The following TRPC5 variants were observed in gnomAD, a reference collection of about 807,000 sequenced individuals.
The protein encoded by TRPC5 is transient receptor potential cation channel subfamily C member 5, also known as short transient receptor potential channel 5.
In TRPC5, 9 loss-of-function variants were observed where a neutral mutation model predicts 56.5. That is an observed-to-expected ratio of 0.16 (90% CI 0.10 to 0.28). TRPC5 has a LOEUF of 0.28. TRPC5 is among the 10% of genes least tolerant of loss of function. The pLI, the probability that TRPC5 is intolerant of heterozygous loss-of-function variation, is 1.00. For missense variants in TRPC5, 469 were observed against 748.9 expected, an observed-to-expected ratio of 0.63 and a Z score of 4.36; for synonymous variants, 282 against 278.5, an observed-to-expected ratio of 1.01 and a Z score of -0.13.
chrX:112,072,677 A>G (rs745364584), intron 1 of TRPC5, among the ~76,000 whole-genome samples: 12 of 112,358 alleles, frequency 1.1e-4, no homozygotes, highest in Non-Finnish European at 2.1e-4. Flanking sequence ...TCAGAAAAAA[A>G]TGACATGAAA....
At chrX:111,799,542 G>T (rs1237299713) in intron 7 of TRPC5, among the ~76,000 whole-genome samples, 1 of 111,114 alleles carries the variant, frequency 9.0e-6, no homozygotes, top group Non-Finnish European at 1.9e-5. Flanking sequence ...TATGGAAAGT[G>T]CTGTCAATGC....
chrX:111,849,179 A>G (rs1022072571), intron 5 of TRPC5, among the ~76,000 whole-genome samples: 6 of 112,467 alleles, frequency 5.3e-5, no homozygotes, highest in Non-Finnish European at 7.5e-5. Context: ...CTCCTCATCC[A>G]GAACTGTAAC....
Position 111,893,638 on chromosome X carries a change from C to T in TRPC5, c.900+18653G>A, listed in dbSNP as rs1242804188. 5.4e-5 allele frequency among the ~76,000 whole-genome samples: 6 copies of T among 111,628 alleles called. No individual in the cohort carries two copies. In the East Asian group the frequency reaches 1.7e-3, roughly 31 times the overall value. Reference sequence around the variant, plus strand: ...TTTAAATTGACCATAAGGACATTTCCTACTCCCCCTTTTTTTAGTTTTAGT... The same window carrying T: ...TTTAAATTGACCATAAGGACATTTCTTACTCCCCCTTTTTTTAGTTTTAGT... On this transcript the variant is annotated intron_variant, in intron 3 of 10. Coordinates refer to ENST00000262839, the MANE Select transcript of TRPC5 (RefSeq NM_012471.3).
intron 1 of TRPC5, among the ~76,000 whole-genome samples, chrX:111,968,221 A>G (rs1435681559): frequency 8.9e-6 from 1 of 111,827 alleles, no homozygotes; most frequent in African/African-American, 3.3e-5. Context: ...AACACATGAA[A>G]AAATGCTCAT....
intron 7 of TRPC5, among the ~76,000 whole-genome samples, chrX:111,806,605 C>A (rs1921522001): frequency 8.9e-6 from 1 of 111,832 alleles, no homozygotes; most frequent in African/African-American, 3.2e-5. Flanking sequence ...GAAATGACAT[C>A]ACTTTTGCCA....
intron 6 of TRPC5, among the ~76,000 whole-genome samples, chrX:111,842,543 C>T (rs918828459): frequency 2.7e-5 from 3 of 112,132 alleles, no homozygotes; most frequent in Admixed American, 9.5e-5. Flanking sequence ...CAATATTCCA[C>T]CCAGCAAATA....
chrX:111,969,023 A>AAT, intron 1 of TRPC5, among the ~76,000 whole-genome samples: 1 of 104,325 alleles, frequency 9.6e-6, no homozygotes, highest in East Asian at 2.8e-4. Context: ...AATAAAATAA[A>AAT]AACAACAAAA....
intron 7 of TRPC5, among the ~76,000 whole-genome samples, chrX:111,804,517 T>C (rs1004859749): frequency 1.8e-5 from 2 of 111,864 alleles, no homozygotes; most frequent in Non-Finnish European, 3.8e-5. Flanking sequence ...TTGTGTCCTC[T>C]TTTATTTTGT....
intron 4 of TRPC5, 33 bp downstream of exon 4, chrX:111,853,737 G>T: frequency 8.5e-7 from 1 of 1,180,868 alleles, no homozygotes; most frequent in Non-Finnish European, 1.1e-6. Flanking sequence ...CCATCAGGCA[G>T]TCTGGCCATA....
intron 3 of TRPC5, among the ~76,000 whole-genome samples, chrX:111,890,923 A>G (rs1924775405): frequency 9.0e-6 from 1 of 110,739 alleles, no homozygotes; most frequent in African/African-American, 3.3e-5. Flanking sequence ...TTATGTGTCC[A>G]TGTGTTTTCA....
At chrX:111,823,037 T>C (rs1383981747) in intron 7 of TRPC5, among the ~76,000 whole-genome samples, 2 of 112,241 alleles carry the variant, frequency 1.8e-5, no homozygotes, top group African/African-American at 3.2e-5. Flanking sequence ...CTTGCATCTT[T>C]GTCAGTCACC....
At chrX:111,792,999 G>A (rs1365088329) in intron 7 of TRPC5, among the ~76,000 whole-genome samples, 1 of 111,720 alleles carries the variant, frequency 9.0e-6, no homozygotes, top group Non-Finnish European at 1.9e-5. Context: ...GAACTAGAAT[G>A]CCTCCGTTTG....
At chrX:111,984,472 C>T (rs1370335160) in intron 1 of TRPC5, among the ~76,000 whole-genome samples, 5 of 111,709 alleles carry the variant, frequency 4.5e-5, no homozygotes, top group South Asian at 3.8e-4. Context: ...GTAGGAAAGG[C>T]CAAATGTAGC....
At chrX:111,859,442 C>A (rs1761288223) in intron 3 of TRPC5, among the ~76,000 whole-genome samples, 1 of 112,266 alleles carries the variant, frequency 8.9e-6, no homozygotes, top group South Asian at 3.7e-4. Context: ...TATTTGTATA[C>A]AATGCACCAA....
In TRPC5 at chrX:112,056,370, G is replaced by A. The variant is rs149002703; in HGVS notation, c.-22+25509C>T. 8.1e-3 allele frequency among the ~76,000 whole-genome samples: 910 copies of A among 112,352 alleles called. 5 individuals carry two copies. Among genetic ancestry groups the A allele is most frequent in the Middle Eastern group, 0.037 (8 of 216 alleles). On this transcript the variant is annotated intron_variant, in intron 1 of 10. Coordinates refer to ENST00000262839, the MANE Select transcript of TRPC5 (RefSeq NM_012471.3). Reference sequence around the variant, plus strand: ...TTTACTTATTTACTCTATAAACTTCGTAGAATTCTTAAAAGAAATGCATTT... The same window carrying A: ...TTTACTTATTTACTCTATAAACTTCATAGAATTCTTAAAAGAAATGCATTT...
intron 1 of TRPC5, among the ~76,000 whole-genome samples, chrX:112,065,097 A>G: frequency 9.0e-6 from 1 of 110,661 alleles, no homozygotes; most frequent in Non-Finnish European, 1.9e-5. Flanking sequence ...AAAAAAACAA[A>G]AAGGTTATTT....
intron 7 of TRPC5, among the ~76,000 whole-genome samples, chrX:111,796,203 G>T (rs1231045453): frequency 9.0e-6 from 1 of 111,142 alleles, no homozygotes; most frequent in Non-Finnish European, 1.9e-5. Context: ...TTCTCTATTT[G>T]TTGAAAAATT....
intron 2 of TRPC5, among the ~76,000 whole-genome samples, chrX:111,933,030 T>G (rs984979047): frequency 1.8e-5 from 2 of 112,514 alleles, no homozygotes. Context: ...ATTTATTTTC[T>G]GAAACGTTCC....
At chrX:111,910,169 A>AT (rs1401970800) in intron 3 of TRPC5, among the ~76,000 whole-genome samples, 1 of 112,359 alleles carries the variant, frequency 8.9e-6, no homozygotes, top group African/African-American at 3.2e-5. Flanking sequence ...GCAATTATCT[A>AT]TTTTTTAAAA....
Sources: allele counts gnomAD v4.1 joint callset (sites outside exome capture counted in the v4.1 genomes callset), GRCh38; gene constraint gnomAD v4.1.1; transcripts MANE v1.5; gene names NCBI Gene and HGNC (gene_info 2026-07-23, HGNC 2026-07-21).